Variants in SKP1 observed in about 807,000 individuals in gnomAD.
SKP1 encodes the protein S-phase kinase-associated protein 1.
SKP1 carries 1 observed loss-of-function variant against 21.5 expected under a neutral mutation model. That is an observed-to-expected ratio of 0.05 (90% CI 0.02 to 0.22). The LOEUF (loss-of-function observed/expected upper bound fraction) is 0.22. Among genes scored for constraint, SKP1 ranks in the 10% least tolerant of loss-of-function variants. The pLI is 1.00. For missense variants in SKP1, 70 were observed against 192.0 expected (o/e 0.36, Z 3.76); for synonymous variants, 59 against 59.3 (o/e 0.99, Z 0.03).
In SKP1 at chr5:134,151,887, C is replaced by T. The variant is rs1279740171; in HGVS notation, c.*5846G>A. Reference sequence around the variant, plus strand: ...GAAGTGTGTCAAGCAAGAGCACCTTCGACAACACTTTTCGGCCACCACTAA... The same window carrying T: ...GAAGTGTGTCAAGCAAGAGCACCTTTGACAACACTTTTCGGCCACCACTAA... On this transcript the variant is annotated 3_prime_UTR_variant, in exon 6 of 6. Transcript: ENST00000353411. 3.5e-5 allele frequency: 11 copies of T among 315,034 alleles called. No individual in the cohort carries two copies. Among genetic ancestry groups the T allele is most frequent in the Admixed American group, 7.9e-5 (2 of 25,394 alleles). 19.5% of individuals were successfully genotyped at this position (315,034 alleles called of 1,614,324 possible). A position where few individuals can be genotyped will look rare whatever the true frequency, so the allele number is the denominator to read the frequency against.
At chr5:134,175,020 C>A (rs1761513147) in intron 1 of SKP1, 1 of 152,192 alleles carries the variant, frequency 6.6e-6, no homozygotes, top group African/African-American at 2.4e-5. Context: ...CCGGTGATGT[C>A]ACTATTAACT....
At chr5:134,165,131 G>A (rs1761303235) in intron 3 of SKP1, among the ~76,000 whole-genome samples, 1 of 152,008 alleles carries the variant, frequency 6.6e-6, no homozygotes, top group South Asian at 2.1e-4. Context: ...TTCAGTGTGG[G>A]ATGATAAAGT....
intron 1 of SKP1, chr5:134,175,681 G>A (rs528636812): frequency 1.8e-4 from 27 of 152,318 alleles, no homozygotes; most frequent in African/African-American, 5.3e-4. Context: ...TCTTAAGGGA[G>A]TTGAGACCTT....
At chr5:134,162,479 C>A (rs1394900657) in intron 3 of SKP1, among the ~76,000 whole-genome samples, 1 of 152,172 alleles carries the variant, frequency 6.6e-6, no homozygotes, top group Non-Finnish European at 1.5e-5. Context: ...TATCTTGGCT[C>A]ACTGCAACCT....
In SKP1 at chr5:134,167,161, A is replaced by T; in HGVS notation, c.171+9T>A. 6.6e-7 allele frequency: 1 copy of T among 1,507,716 alleles called. No homozygotes were observed. Among genetic ancestry groups the T allele is most frequent in the Middle Eastern group, 1.7e-4 (1 of 5,810 alleles). The allele number at this position is 1,507,716 out of a possible 1,614,324, so 93.4% of individuals were successfully genotyped here. A position where few individuals can be genotyped will look rare whatever the true frequency, so the allele number is the denominator to read the frequency against. On this transcript the variant is annotated intron_variant, in intron 3 of 5. Transcript: ENST00000353411. ...AGCAGAATAAACTTAAACTCTTTAA[A>T]GACCTTACCTTTTTTAATATTGCTG...
chr5:134,165,834 C>T (rs181910548), intron 3 of SKP1, among the ~76,000 whole-genome samples: 7 of 147,574 alleles, frequency 4.7e-5, no homozygotes, highest in Non-Finnish European at 1.0e-4. Context: ...TGCAGTGAGC[C>T]GAGATTGTGC....
intron 2 of SKP1, among the ~76,000 whole-genome samples, chr5:134,169,419 C>A (rs1485261061): frequency 6.6e-6 from 1 of 152,128 alleles, no homozygotes; most frequent in African/African-American, 2.4e-5. Flanking sequence ...CTTTCCTGAA[C>A]AAGTATGAAA....
intron 2 of SKP1, chr5:134,173,598 C>T: frequency 2.5e-6 from 1 of 407,248 alleles, no homozygotes; most frequent in Admixed American, 3.3e-5. Flanking sequence ...ATCTCTTTTC[C>T]AAAGACCTTA....
At chr5:134,168,257 T>C (rs1326731835) in intron 2 of SKP1, among the ~76,000 whole-genome samples, 1 of 152,216 alleles carries the variant, frequency 6.6e-6, no homozygotes, top group Non-Finnish European at 1.5e-5. Flanking sequence ...CCAGATGAAC[T>C]GTATTTTAAA....
chr5:134,157,731 T>C lies in SKP1; in HGVS notation c.*2A>G. 6.2e-7 allele frequency: 1 copy of C among 1,611,624 alleles called. No homozygotes were observed. The highest frequency in any genetic ancestry group is 8.5e-7 in the Non-Finnish European group (1 of 1,177,842). On this transcript the variant is annotated 3_prime_UTR_variant, in exon 6 of 6. Transcript: ENST00000353411. ...CAGTGTTACAGTGTCAGGCACAACA[T>C]TTCACTTCTCTTCACACCACTGGTT...
rs749008292 is a variant in SKP1 at position 134,156,580 on chromosome 5, G to A, written c.*1153C>T. 12 of 151,844 alleles carry A rather than the reference G, an allele frequency of 7.9e-5. No homozygotes were observed. The highest frequency in any genetic ancestry group is 2.0e-4 in the Admixed American group (3 of 15,262). The allele number at this position is 151,844 out of a possible 1,614,324, so 9.4% of individuals were successfully genotyped here. Reference sequence around the variant, plus strand: ...GCAAGGAGAAAAAAAGGGAGCACAAGGAAGAAAAAAAAATCAAAATTTGTG... The same window carrying A: ...GCAAGGAGAAAAAAAGGGAGCACAAAGAAGAAAAAAAAATCAAAATTTGTG... On this transcript the variant is annotated 3_prime_UTR_variant, in exon 6 of 6. Coordinates refer to ENST00000353411, the MANE Select transcript of SKP1 (RefSeq NM_170679.3).
chr5:134,169,828 C>A (rs573939112), intron 2 of SKP1, among the ~76,000 whole-genome samples: 9 of 152,274 alleles, frequency 5.9e-5, no homozygotes, highest in African/African-American at 1.9e-4. Context: ...GGTGAAAACC[C>A]GTCTCTAATA....
chr5:134,175,872 C>G (rs370221552), intron 1 of SKP1, among the ~76,000 whole-genome samples: 93 of 152,290 alleles, frequency 6.1e-4, no homozygotes, highest in African/African-American at 2.2e-3. Flanking sequence ...GGCCTAAAGG[C>G]TCCTGCACTT....
Position 134,158,120 on chromosome 5 carries a change from C to CTATA in SKP1, c.456+334_456+335insTATA, listed in dbSNP as rs1445816139. The CTATA allele has an allele frequency of 4.3e-6, 6 of 1,393,368 alleles. No homozygotes were observed. In the Admixed American group the frequency reaches 1.5e-4, roughly 35 times the overall value. 86.3% of individuals were successfully genotyped at this position (1,393,368 alleles called of 1,614,324 possible). A position where few individuals can be genotyped will look rare whatever the true frequency, so the allele number is the denominator to read the frequency against. On this transcript the variant is annotated intron_variant, in intron 5 of 5. Coordinates refer to ENST00000353411, the MANE Select transcript of SKP1 (RefSeq NM_170679.3). ...CCCTCATTAAGTTGCTCTAAAGTAC[C>CTATA]CTAGTATATACTTCTCTCTAGGGCC...
chr5:134,168,368 T>C (rs887467576), intron 2 of SKP1, among the ~76,000 whole-genome samples: 6 of 152,036 alleles, frequency 3.9e-5, no homozygotes, highest in Non-Finnish European at 7.4e-5. Context: ...ATACTAAAAA[T>C]GCGCACAAAC....
At chr5:134,168,816 G>C (rs1356051774) in intron 2 of SKP1, among the ~76,000 whole-genome samples, 4 of 151,972 alleles carry the variant, frequency 2.6e-5, no homozygotes, top group African/African-American at 9.7e-5. Context: ...GCTGTCAGAG[G>C]AACTATTTTT....
At chr5:134,170,102 G>C (rs1424280733) in intron 2 of SKP1, among the ~76,000 whole-genome samples, 1 of 152,056 alleles carries the variant, frequency 6.6e-6, no homozygotes, top group Non-Finnish European at 1.5e-5. Flanking sequence ...CCAGGAGGCA[G>C]AGATTGCAGT....
At chr5:134,174,279 TA>T (rs1761498339) in intron 1 of SKP1, among the ~76,000 whole-genome samples, 1 of 152,244 alleles carries the variant, frequency 6.6e-6, no homozygotes, top group East Asian at 1.9e-4. Flanking sequence ...ACTATTGGTA[TA>T]AATTTAATAA....
At chr5:134,174,089 C>T in intron 1 of SKP1, 67 bp from the exon 2 acceptor site, 1 of 954,410 alleles carries the variant, frequency 1.0e-6, no homozygotes. Flanking sequence ...TCATCAACTA[C>T]AGTCCATCAG....
Sources: gnomAD v4.1 joint callset for allele counts (sites outside exome capture counted in the v4.1 genomes callset) on GRCh38, gnomAD v4.1.1 for gene constraint, MANE v1.5 for transcripts, NCBI Gene and HGNC (gene_info 2026-07-23, HGNC 2026-07-21) for gene names.